DIABLO: variants seen among roughly 807,000 people sequenced by gnomAD.
DIABLO encodes diablo homolog, mitochondrial.
DIABLO carries 32 observed loss-of-function variants against 31.7 expected under a neutral mutation model. The ratio of observed to expected loss-of-function variants is 1.01; its 90% CI spans 0.76 to 1.35. The LOEUF is 1.35. DIABLO is among the 40% of genes most tolerant of loss of function. The pLI is 0.00. For missense variants in DIABLO, 316 were observed against 286.4 expected (o/e 1.10, Z -0.75); for synonymous variants, 132 against 103.2 (o/e 1.28, Z -1.69).
intron 2 of DIABLO, 170 bp from the exon 3 acceptor site, chr12:122,218,567 AAT>A: frequency 2.7e-6 from 2 of 729,532 alleles, no homozygotes; most frequent in Non-Finnish European, 4.5e-6. Context: ...AATTTAAGAC[AAT>A]ATAGAGAAAT....
intron 2 of DIABLO, chr12:122,221,871 T>C (rs1040291395): frequency 1.3e-5 from 2 of 152,088 alleles, no homozygotes; most frequent in Admixed American, 6.6e-5. Context: ...GTTGTCCCAA[T>C]TGTGGTCGAA....
At chr12:122,226,929 C>G (rs887953950), upstream of DIABLO, among the ~76,000 whole-genome samples, 5 of 152,218 alleles carry the variant, frequency 3.3e-5, no homozygotes, top group African/African-American at 7.2e-5. Flanking sequence ...TTTCTTTTCC[C>G]GTCACTCAAG....
chr12:122,208,974 G>A, intron 5 of DIABLO: 1 of 345,730 alleles, frequency 2.9e-6, no homozygotes, highest in Non-Finnish European at 5.6e-6. Context: ...AATCTTTAAA[G>A]GTAAAGGAAT....
Position 122,216,866 on chromosome 12 carries a change from C to T in DIABLO, c.319G>A (p.Val107Ile). The change falls in exon 4 of 6, where the codon GTT becomes ATT. Residue 107 changes from valine to isoleucine, a missense_variant. Coordinates refer to ENST00000464942, the MANE Select transcript of DIABLO (RefSeq NM_001371333.1). Reference protein sequence around the residue: ...IEAITEYTKAVYTLTSLYRQY... With the variant: ...IEAITEYTKAIYTLTSLYRQY... ...CGGTAAAGAGAAGTTAAGGTATAAACAGCCTACAAATAGAGAATGAACAAG... is the reference window on the plus strand; with the variant it reads ...CGGTAAAGAGAAGTTAAGGTATAAATAGCCTACAAATAGAGAATGAACAAG... The T allele has an allele frequency of 6.2e-7, 1 of 1,611,590 alleles. No individual in the cohort carries two copies. The highest frequency in any genetic ancestry group is 2.2e-5 in the East Asian group (1 of 44,860).
rs774544812 is a variant in DIABLO at position 122,208,016 on chromosome 12, T to TAAATA, written c.*360_*364dup. 8.1e-6 allele frequency: 4 copies of TAAATA among 496,632 alleles called. No homozygotes were observed. The highest frequency in any genetic ancestry group is 6.2e-5 in the South Asian group (4 of 64,828). 30.8% of individuals were successfully genotyped at this position (496,632 alleles called of 1,614,324 possible). Reference sequence around the variant, plus strand: ...AAGTACTAAATCATTTTTGACGACGTAAATAAGACTGAAAACAGGTTAAAC... The same window carrying TAAATA: ...AAGTACTAAATCATTTTTGACGACGTAAATAAAATAAGACTGAAAACAGGTTAAAC... On this transcript the variant is annotated 3_prime_UTR_variant, in exon 6 of 6. Coordinates refer to ENST00000464942, the MANE Select transcript of DIABLO (RefSeq NM_001371333.1).
chr12:122,218,058 C>G (rs1207708115), intron 3 of DIABLO, among the ~76,000 whole-genome samples: 2 of 151,848 alleles, frequency 1.3e-5, no homozygotes, highest in Non-Finnish European at 2.9e-5. Context: ...TTTTGAAGGG[C>G]CTGACAGTAA....
At chr12:122,214,062 G>A (rs1304830965) in intron 5 of DIABLO, among the ~76,000 whole-genome samples, 3 of 151,980 alleles carry the variant, frequency 2.0e-5, no homozygotes, top group African/African-American at 7.3e-5. Flanking sequence ...TCCAGCCTGG[G>A]GGATGGAATG....
chr12:122,225,400 T>A, intron 1 of DIABLO: 1 of 993,642 alleles, frequency 1.0e-6, no homozygotes, highest in South Asian at 4.4e-5. Context: ...AAAATTAAAA[T>A]AAAATAAAAT....
At chr12:122,216,415 C>T (rs1593174484) in intron 5 of DIABLO, 73 bp downstream of exon 5, 1 of 1,323,078 alleles carries the variant, frequency 7.6e-7, no homozygotes, top group South Asian at 1.2e-5. Flanking sequence ...TTTAGAAAAC[C>T]AGATGAAAAC....
intron 1 of DIABLO, chr12:122,225,309 G>T: frequency 4.0e-6 from 3 of 749,144 alleles, no homozygotes; most frequent in Non-Finnish European, 4.9e-6. Context: ...ATCGCTTGAA[G>T]CCGGGAGGCA....
At chr12:122,226,190 T>A, upstream of DIABLO, 1 of 1,028,286 alleles carries the variant, frequency 9.7e-7, no homozygotes, top group Non-Finnish European at 1.5e-6. Flanking sequence ...GCAAAGGCTG[T>A]AACGGCCGCG....
intron 2 of DIABLO, among the ~76,000 whole-genome samples, chr12:122,224,129 T>C (rs1180862276): frequency 6.6e-6 from 1 of 152,232 alleles, no homozygotes; most frequent in Non-Finnish European, 1.5e-5. Flanking sequence ...GCTGATATTT[T>C]ATATTTTATC....
intron 2 of DIABLO, among the ~76,000 whole-genome samples, chr12:122,223,042 C>G (rs1954369114): frequency 1.3e-5 from 2 of 151,956 alleles, no homozygotes; most frequent in Admixed American, 1.3e-4. Flanking sequence ...AAGCCAGTAT[C>G]ATTTCATGCC....
At chr12:122,211,071 TAAAAGTAAAAAAAA>T (rs1276582040) in intron 5 of DIABLO, among the ~76,000 whole-genome samples, 2 of 31,750 alleles carry the variant, frequency 6.3e-5, no homozygotes, top group East Asian at 2.3e-3. Flanking sequence ...TTTGTTTAGT[TAAAAGTAAAAAAAA>T]AAAAAAAAAA....
intron 4 of DIABLO, 80 bp from the exon 5 acceptor site, chr12:122,216,664 G>C: frequency 6.5e-7 from 1 of 1,547,298 alleles, no homozygotes; most frequent in Non-Finnish European, 8.9e-7. Context: ...TAGATTTAGA[G>C]AACACTGATT....
intron 5 of DIABLO, among the ~76,000 whole-genome samples, chr12:122,209,190 C>G (rs2136081437): frequency 6.6e-6 from 1 of 151,750 alleles, no homozygotes; most frequent in East Asian, 1.9e-4. Context: ...GTGAACCCGT[C>G]TCTACCAAAA....
chr12:122,221,875 G>A (rs1954341690), intron 2 of DIABLO: 1 of 152,182 alleles, frequency 6.6e-6, no homozygotes. Context: ...TCCCAATTGT[G>A]GTCGAAAATA....
chr12:122,223,284 A>T (rs1593181660), intron 2 of DIABLO, among the ~76,000 whole-genome samples: 2 of 151,596 alleles, frequency 1.3e-5, no homozygotes, highest in South Asian at 4.2e-4. Context: ...AAAATACAAA[A>T]ACTAGCTGGG....
intron 2 of DIABLO, chr12:122,221,803 TATA>T (rs1366961366): frequency 1.3e-5 from 2 of 152,082 alleles, no homozygotes; most frequent in East Asian, 3.9e-4. Flanking sequence ...TAGAAAGTAA[TATA>T]ATAACTGAGA....
Sources: allele counts gnomAD v4.1 joint callset (sites outside exome capture counted in the v4.1 genomes callset), GRCh38; gene constraint gnomAD v4.1.1; transcripts MANE v1.5; gene names NCBI Gene and HGNC (gene_info 2026-07-23, HGNC 2026-07-21).